Variants in ASPRV1 observed in about 807,000 individuals in gnomAD.
ASPRV1 encodes the protein aspartic peptidase retroviral like 1.
Under a neutral mutation model 11.0 loss-of-function variants are expected in ASPRV1, and 7 were observed. The ratio of observed to expected loss-of-function variants is 0.64; its 90% CI spans 0.36 to 1.20. The LOEUF (loss-of-function observed/expected upper bound fraction) is 1.20. ASPRV1 is among the 50% of genes most tolerant of loss of function. ASPRV1 has a pLI of 0.02. For synonymous variants in ASPRV1, 136 were observed against 138.4 expected (o/e 0.98, Z 0.12); for missense variants, 299 against 320.0 (o/e 0.93, Z 0.50).
At chr2:70,007,566 T>C in the ASPRV1 span, among the ~76,000 whole-genome samples, 1 of 149,742 alleles carries the variant, frequency 6.7e-6, no homozygotes, top group Non-Finnish European at 1.5e-5. Flanking sequence ...GCGTATTTAA[T>C]AATAAGTAAT....
At chr2:69,989,864 C>T in the ASPRV1 span, among the ~76,000 whole-genome samples, 2 of 152,232 alleles carry the variant, frequency 1.3e-5, no homozygotes, top group African/African-American at 4.8e-5. Context: ...ACTCCCCTGG[C>T]ACATAGACAG....
At chr2:70,023,788 G>C in the ASPRV1 span, among the ~76,000 whole-genome samples, 1 of 151,580 alleles carries the variant, frequency 6.6e-6, no homozygotes, top group African/African-American at 2.4e-5. Context: ...TGGATTGTTG[G>C]TCTTTTTATA....
chr2:70,076,214 T>C, the ASPRV1 span, among the ~76,000 whole-genome samples: 1 of 152,234 alleles, frequency 6.6e-6, no homozygotes. Flanking sequence ...TTTGACAAGA[T>C]GCAGTTTTTG....
the ASPRV1 span, among the ~76,000 whole-genome samples, chr2:69,978,774 C>T: frequency 6.6e-6 from 1 of 152,194 alleles, no homozygotes; most frequent in Admixed American, 6.5e-5. Context: ...AGCCGGGCTG[C>T]CTCAGAGGTC....
chr2:69,991,273 C>T, the ASPRV1 span, among the ~76,000 whole-genome samples: 2 of 152,156 alleles, frequency 1.3e-5, no homozygotes, highest in Admixed American at 1.3e-4. Context: ...CCTTGCCTCC[C>T]ATGTGTGGGG....
At chr2:69,955,015 C>T in the ASPRV1 span, among the ~76,000 whole-genome samples, 11 of 152,250 alleles carry the variant, frequency 7.2e-5, no homozygotes, top group African/African-American at 2.4e-4. Flanking sequence ...GCAGTCAAAA[C>T]TTGAGAGCCA....
At chr2:70,070,437 G>T in the ASPRV1 span, 2 of 152,122 alleles carry the variant, frequency 1.3e-5, no homozygotes, top group South Asian at 2.1e-4. Context: ...AGGTTAAAAA[G>T]AAATTGGACA....
At chr2:69,956,406 G>A (rs1677936281), downstream of ASPRV1, among the ~76,000 whole-genome samples, 1 of 128,692 alleles carries the variant, frequency 7.8e-6, no homozygotes, top group Non-Finnish European at 1.6e-5. Flanking sequence ...AAAAAAGCAA[G>A]ACCCTGTGAA....
the ASPRV1 span, among the ~76,000 whole-genome samples, chr2:70,028,130 G>T: frequency 1.4e-4 from 21 of 152,242 alleles, no homozygotes; most frequent in African/African-American, 4.3e-4. Context: ...TTTCACTGCA[G>T]TTCCACTAGG....
chr2:70,046,326 C>T, the ASPRV1 span: 1 of 152,264 alleles, frequency 6.6e-6, no homozygotes, highest in East Asian at 1.9e-4. Flanking sequence ...TAGCATCACG[C>T]CTTTCTTTAA....
the ASPRV1 span, among the ~76,000 whole-genome samples, chr2:70,077,093 C>T: frequency 6.6e-6 from 1 of 152,210 alleles, no homozygotes; most frequent in Non-Finnish European, 1.5e-5. Flanking sequence ...ACTCCTACTA[C>T]ACTGGCTCTA....
At chr2:70,083,143 T>G in the ASPRV1 span, among the ~76,000 whole-genome samples, 1 of 152,202 alleles carries the variant, frequency 6.6e-6, no homozygotes, top group African/African-American at 2.4e-5. Flanking sequence ...AAATAGTAAC[T>G]GGCTAGAAAG....
the ASPRV1 span, among the ~76,000 whole-genome samples, chr2:70,017,806 A>T: frequency 6.6e-6 from 1 of 152,212 alleles, no homozygotes; most frequent in Admixed American, 6.5e-5. Context: ...CTATCAAAAA[A>T]ATGAAGAAAA....
At chr2:70,039,673 G>C in the ASPRV1 span, among the ~76,000 whole-genome samples, 1 of 152,118 alleles carries the variant, frequency 6.6e-6, no homozygotes, top group Non-Finnish European at 1.5e-5. Context: ...CTCCTAAAAA[G>C]GTCTTCTGGC....
At chr2:70,038,936 A>G in the ASPRV1 span, among the ~76,000 whole-genome samples, 1 of 152,082 alleles carries the variant, frequency 6.6e-6, no homozygotes, top group Non-Finnish European at 1.5e-5. Context: ...AAAATTAGCC[A>G]GGCATAGTGG....
chr2:70,012,280 G>C, the ASPRV1 span: 1 of 151,310 alleles, frequency 6.6e-6, no homozygotes, highest in Non-Finnish European at 1.5e-5. Flanking sequence ...TCAGCCTCCC[G>C]AGTAGCTGGG....
the ASPRV1 span, among the ~76,000 whole-genome samples, chr2:69,982,077 ATCCATCCT>A: frequency 7.9e-6 from 1 of 126,228 alleles, no homozygotes; most frequent in Non-Finnish European, 1.7e-5. Flanking sequence ...CCATCCATCC[ATCCATCCT>A]TCCATCCATC....
At chr2:69,995,944 G>GCCT in the ASPRV1 span, among the ~76,000 whole-genome samples, 1 of 152,080 alleles carries the variant, frequency 6.6e-6, no homozygotes, top group Non-Finnish European at 1.5e-5. Context: ...AAGAACCAAG[G>GCCT]CCTCCTCCTC....
At chr2:69,951,189 G>A in the ASPRV1 span, among the ~76,000 whole-genome samples, 1 of 151,972 alleles carries the variant, frequency 6.6e-6, no homozygotes, top group Non-Finnish European at 1.5e-5. Context: ...ACTTTGGGAG[G>A]CTGAGGCAGG....
Sources: gnomAD v4.1 joint callset for allele counts (sites outside exome capture counted in the v4.1 genomes callset) on GRCh38, gnomAD v4.1.1 for gene constraint, MANE v1.5 for transcripts, NCBI Gene and HGNC (gene_info 2026-07-23, HGNC 2026-07-21) for gene names.